Variants in SPIDR observed in about 807,000 individuals in gnomAD.
SPIDR encodes the protein DNA repair-scaffolding protein.
Under a neutral mutation model 104.6 loss-of-function variants are expected in SPIDR, and 93 were observed. The ratio of observed to expected loss-of-function variants is 0.89; its 90% CI spans 0.75 to 1.06. The LOEUF is 1.06. SPIDR is among the 50% of genes least tolerant of loss of function. SPIDR has a pLI of 0.00. For synonymous variants in SPIDR, 431 were observed against 416.9 expected (o/e 1.03, Z -0.41); for missense variants, 1,154 against 1,111.2 (o/e 1.04, Z -0.55).
chr8:47,481,982 G>A (rs1554727501), intron 8 of SPIDR, among the ~76,000 whole-genome samples: 1 of 152,100 alleles, frequency 6.6e-6, no homozygotes, highest in East Asian at 1.9e-4. Flanking sequence ...GTTCTATTTG[G>A]AGTAAATAAC....
At chr8:47,592,332 C>G (rs1005609690) in intron 8 of SPIDR, 5 of 1,181,240 alleles carry the variant, frequency 4.2e-6, no homozygotes, top group Non-Finnish European at 6.3e-6. Flanking sequence ...AGTTACCTTT[C>G]AAAATATCGA....
chr8:47,281,839 A>C (rs1286716760), intron 2 of SPIDR, among the ~76,000 whole-genome samples: 1 of 152,236 alleles, frequency 6.6e-6, no homozygotes, highest in Admixed American at 6.5e-5. Context: ...GAAAGTTTTC[A>C]GTTTACTTTG....
intron 5 of SPIDR, among the ~76,000 whole-genome samples, chr8:47,382,939 T>A (rs1392561697): frequency 2.0e-5 from 3 of 152,208 alleles, no homozygotes; most frequent in African/African-American, 7.2e-5. Context: ...CTGCCCAGTA[T>A]TACAGATTGT....
chr8:47,372,258 G>C (rs1193910151), intron 5 of SPIDR, among the ~76,000 whole-genome samples: 10 of 152,166 alleles, frequency 6.6e-5, no homozygotes, highest in Non-Finnish European at 1.2e-4. Context: ...ACATTGTCAG[G>C]CTCATAGTAA....
At chr8:47,350,231 T>G (rs782375817) in intron 5 of SPIDR, among the ~76,000 whole-genome samples, 2 of 152,236 alleles carry the variant, frequency 1.3e-5, no homozygotes, top group Non-Finnish European at 2.9e-5. Flanking sequence ...GAAAATGCTC[T>G]GAGCAGCTCT....
intron 7 of SPIDR, among the ~76,000 whole-genome samples, chr8:47,414,838 T>C (rs1209373275): frequency 6.6e-6 from 1 of 152,202 alleles, no homozygotes; most frequent in Non-Finnish European, 1.5e-5. Flanking sequence ...CTGGGATAAA[T>C]GATCAAATGA....
intron 6 of SPIDR, among the ~76,000 whole-genome samples, chr8:47,405,338 G>A (rs975749646): frequency 2.6e-5 from 4 of 151,522 alleles, no homozygotes; most frequent in Admixed American, 1.3e-4. Context: ...ATGTGTGTGT[G>A]TATATATATA....
At chr8:47,323,881 G>A (rs1054937691) in intron 5 of SPIDR, among the ~76,000 whole-genome samples, 1 of 152,090 alleles carries the variant, frequency 6.6e-6, no homozygotes, top group Admixed American at 6.6e-5. Flanking sequence ...GGTGTCTAAG[G>A]CCTGATTGCA....
chr8:47,710,047 T>C (rs1563623721), intron 14 of SPIDR, among the ~76,000 whole-genome samples: 1 of 152,022 alleles, frequency 6.6e-6, no homozygotes, highest in Non-Finnish European at 1.5e-5. Context: ...CTAGCTAATT[T>C]TTATATTTTT....
intron 11 of SPIDR, among the ~76,000 whole-genome samples, chr8:47,675,766 T>A (rs1008285043): frequency 6.6e-6 from 1 of 152,172 alleles, no homozygotes; most frequent in Non-Finnish European, 1.5e-5. Context: ...TGAGCTGAGA[T>A]TGCACCACTG....
intron 8 of SPIDR, among the ~76,000 whole-genome samples, chr8:47,538,035 C>T (rs1395612679): frequency 2.6e-5 from 4 of 151,794 alleles, no homozygotes; most frequent in Non-Finnish European, 5.9e-5. Flanking sequence ...ATTAGTCAGG[C>T]GTGGTGACTC....
intron 1 of SPIDR, among the ~76,000 whole-genome samples, chr8:47,262,687 T>C (rs2032806379): frequency 6.6e-6 from 1 of 152,240 alleles, no homozygotes; most frequent in Admixed American, 6.5e-5. Context: ...CTCCTGTCTA[T>C]TCATTACATG....
chr8:47,364,966 A>G (rs1302443261), intron 5 of SPIDR, among the ~76,000 whole-genome samples: 2 of 152,218 alleles, frequency 1.3e-5, no homozygotes, highest in African/African-American at 4.8e-5. Flanking sequence ...TCTTCCCCAC[A>G]GCAAGCCTGT....
Position 47,291,123 on chromosome 8 carries a change from C to G in SPIDR, c.347C>G (p.Ser116Cys). The G allele has an allele frequency of 1.9e-6, 3 of 1,612,074 alleles. No individual in the cohort carries two copies. Among genetic ancestry groups the G allele is most frequent in the South Asian group, 2.2e-5 (2 of 90,746 alleles). The change falls in exon 4 of 20, where the codon TCT becomes TGT. Residue 116 changes from serine (S) to cysteine (C), a missense_variant. By Grantham distance (112) the Ser-to-Cys change is moderately radical (BLOSUM62 -1). Transcript: ENST00000297423. ...TTGTCGGATGAAGATAAGACACTTT[C>G]TCAGTTACAGAGAGGTAATGGACAT... ...SDLSDEDKTL[S>C]QLQRDELQFI...
At chr8:47,358,795 T>C (rs1554627717) in intron 5 of SPIDR, among the ~76,000 whole-genome samples, 1 of 152,262 alleles carries the variant, frequency 6.6e-6, no homozygotes, top group Admixed American at 6.5e-5. Flanking sequence ...GCTTTAGTCC[T>C]GCCCATTGGT....
At chr8:47,516,467 C>G (rs2083172439) in intron 8 of SPIDR, among the ~76,000 whole-genome samples, 1 of 152,146 alleles carries the variant, frequency 6.6e-6, no homozygotes, top group Non-Finnish European at 1.5e-5. Flanking sequence ...AACCTCTATT[C>G]TACTTTCTGC....
At chr8:47,422,246 G>A (rs1470726295) in intron 7 of SPIDR, among the ~76,000 whole-genome samples, 1 of 152,218 alleles carries the variant, frequency 6.6e-6, no homozygotes, top group Non-Finnish European at 1.5e-5. Context: ...TTGAGCTCCA[G>A]TGGGCTCCAC....
At chr8:47,359,601 A>G (rs1006936694) in intron 5 of SPIDR, among the ~76,000 whole-genome samples, 8 of 152,350 alleles carry the variant, frequency 5.3e-5, no homozygotes, top group Admixed American at 6.5e-5. Context: ...TAGAAAATCA[A>G]TTAACTACAG....
chr8:47,562,908 AAGTTGCTGAATGAAGGCT>A (rs1303194222), intron 8 of SPIDR, among the ~76,000 whole-genome samples: 3 of 152,130 alleles, frequency 2.0e-5, no homozygotes, highest in African/African-American at 7.2e-5. Context: ...TCTCTTGAGA[AAGTTGCTGAATGAAGGCT>A]AGAAAGAATT....
Sources: allele counts gnomAD v4.1 joint callset (sites outside exome capture counted in the v4.1 genomes callset), GRCh38; gene constraint gnomAD v4.1.1; transcripts MANE v1.5; gene names NCBI Gene and HGNC (gene_info 2026-07-23, HGNC 2026-07-21).